Variants in PTPRO observed in about 807,000 individuals in gnomAD.
PTPRO encodes protein tyrosine phosphatase receptor type O, also known as receptor-type tyrosine-protein phosphatase O.
In PTPRO, 62 loss-of-function variants were observed where a neutral mutation model predicts 145.2. The observed-to-expected ratio is 0.43, with a 90% CI of 0.35 to 0.53. The LOEUF is 0.53. Among genes scored for constraint, PTPRO ranks in the 20% least tolerant of loss-of-function variants. The pLI is 0.01. For missense variants in PTPRO, 1,345 were observed against 1,482.7 expected (o/e 0.91, Z 1.53); for synonymous variants, 565 against 514.7 (o/e 1.10, Z -1.32).
At position 15,444,841 on chromosome 12, in the gene PTPRO, G is replaced by GT. The variant is rs111622430; in HGVS notation, c.76-39125dup. Among the ~76,000 whole-genome samples the GT allele has an allele frequency of 4.7e-3, 715 of 151,962 alleles. 3 individuals carry two copies. Among genetic ancestry groups the GT allele is most frequent in the African/African-American group, 0.016 (660 of 41,450 alleles). On this transcript the variant is annotated intron_variant, in intron 1 of 26. Transcript: ENST00000281171. ...GTTGTTTATAAGCTATCTAGTCCAT[G>GT]TTTTTTTTATAGCTGGCTGAACAAA... is the stretch of plus-strand genomic sequence containing the variant.
intron 5 of PTPRO, among the ~76,000 whole-genome samples, chr12:15,502,823 T>C (rs188381897): frequency 2.0e-5 from 3 of 152,302 alleles, no homozygotes; most frequent in Admixed American, 2.0e-4. Flanking sequence ...AGTAATATAC[T>C]TCATTTTCCA....
At chr12:15,541,203 AAGCAAT>A (rs1256298414) in intron 12 of PTPRO, among the ~76,000 whole-genome samples, 2 of 152,180 alleles carry the variant, frequency 1.3e-5, no homozygotes, top group African/African-American at 2.4e-5. Flanking sequence ...GAGAGATAAA[AAGCAAT>A]AGCCAGGAGA....
chr12:15,468,919 A>G (rs548683702), intron 1 of PTPRO, among the ~76,000 whole-genome samples: 12 of 152,310 alleles, frequency 7.9e-5, no homozygotes, highest in Non-Finnish European at 1.6e-4. Flanking sequence ...GGCTTATTAA[A>G]CTATTTGCTT....
At chr12:15,569,529 G>A in intron 19 of PTPRO, 31 bp downstream of exon 19, 1 of 1,556,898 alleles carries the variant, frequency 6.4e-7, no homozygotes, top group East Asian at 2.2e-5. Flanking sequence ...TCTACCTTCT[G>A]TAATGGAAAG....
chr12:15,581,258 A>G (rs1944308018), intron 22 of PTPRO, among the ~76,000 whole-genome samples: 1 of 150,384 alleles, frequency 6.6e-6, no homozygotes, highest in Admixed American at 6.6e-5. Context: ...CTTACAGAGA[A>G]TTACATTCCT....
intron 17 of PTPRO, among the ~76,000 whole-genome samples, chr12:15,564,991 T>G (rs1398689190): frequency 6.6e-6 from 1 of 152,154 alleles, no homozygotes; most frequent in African/African-American, 2.4e-5. Context: ...TTTGAGCTTA[T>G]AGACTAGTAA....
Position 15,484,183 on chromosome 12 carries a change from C to G in PTPRO, c.285C>G (p.Ile95Met), listed in dbSNP as rs781158413. 1 of 1,613,554 alleles carries G rather than the reference C, an allele frequency of 6.2e-7. No individual in the cohort carries two copies. Among genetic ancestry groups the G allele is most frequent in the Admixed American group, 1.7e-5 (1 of 59,912 alleles). ...KASYHGLYYIITLVVVNGNVV... is the reference protein window; with the variant it reads ...KASYHGLYYIMTLVVVNGNVV... ...GTTATCATGGCCTTTATTATATAAT[C>G]ACTCTGGTAGTGGTAAATGGAAATG... is the stretch of plus-strand genomic sequence containing the variant. Residue 95 changes from isoleucine (I) to methionine (M), a missense_variant, in exon 2 of 27, where the codon ATC (isoleucine) becomes ATG (methionine). Coordinates refer to ENST00000281171, the MANE Select transcript of PTPRO (RefSeq NM_030667.3).
intron 1 of PTPRO, among the ~76,000 whole-genome samples, chr12:15,472,362 T>C (rs1012415618): frequency 5.3e-5 from 8 of 152,324 alleles, no homozygotes; most frequent in South Asian, 2.1e-4. Flanking sequence ...TGGAATCATA[T>C]CACTTTTCTG....
chr12:15,424,097 G>A (rs918727996), intron 1 of PTPRO, among the ~76,000 whole-genome samples: 14 of 152,204 alleles, frequency 9.2e-5, no homozygotes, highest in African/African-American at 3.4e-4. Flanking sequence ...GGCATTTTAA[G>A]TTATAACTGA....
At chr12:15,421,723 A>G (rs1015176128) in intron 1 of PTPRO, among the ~76,000 whole-genome samples, 1 of 152,214 alleles carries the variant, frequency 6.6e-6, no homozygotes, top group African/African-American at 2.4e-5. Context: ...GATATCATTT[A>G]CCATTATTAA....
intron 1 of PTPRO, among the ~76,000 whole-genome samples, chr12:15,407,006 G>A (rs1259538371): frequency 6.6e-6 from 1 of 152,158 alleles, no homozygotes; most frequent in Admixed American, 6.5e-5. Flanking sequence ...AGTAGTCCAT[G>A]GTTTGGTACA....
At chr12:15,595,158 C>G in intron 26 of PTPRO, 101 bp downstream of exon 26, 1 of 779,784 alleles carries the variant, frequency 1.3e-6, no homozygotes, top group Non-Finnish European at 2.2e-6. Flanking sequence ...TGTATTGACT[C>G]TGACTTCACA....
intron 9 of PTPRO, among the ~76,000 whole-genome samples, chr12:15,519,317 C>T (rs1434436014): frequency 6.6e-6 from 1 of 152,192 alleles, no homozygotes; most frequent in African/African-American, 2.4e-5. Context: ...TCCCACAACA[C>T]GTGGGAATTC....
At chr12:15,397,846 C>A (rs1335784751) in intron 1 of PTPRO, among the ~76,000 whole-genome samples, 1 of 152,062 alleles carries the variant, frequency 6.6e-6, no homozygotes, top group Non-Finnish European at 1.5e-5. Context: ...AAAACCATAC[C>A]TGCTTAAGGA....
chr12:15,431,072 G>A (rs1350408733), intron 1 of PTPRO, among the ~76,000 whole-genome samples: 1 of 152,234 alleles, frequency 6.6e-6, no homozygotes, highest in Non-Finnish European at 1.5e-5. Context: ...TCAGGGGACA[G>A]AATGGTTACC....
chr12:15,526,343 A>G (rs919099540), intron 12 of PTPRO, 81 bp downstream of exon 12: 5 of 1,564,936 alleles, frequency 3.2e-6, no homozygotes, highest in Admixed American at 1.7e-5. Context: ...CCTCAATTCA[A>G]TGAAATAATA....
At position 15,322,915 on chromosome 12, in the gene PTPRO, G is replaced by A; in HGVS notation, c.75+114G>A. 9.7e-7 allele frequency: 1 copy of A among 1,033,266 alleles called. No homozygotes were observed. Among genetic ancestry groups the A allele is most frequent in the Non-Finnish European group, 1.4e-6 (1 of 708,508 alleles). 64.0% of individuals were successfully genotyped at this position (1,033,266 alleles called of 1,614,324 possible). A position where few individuals can be genotyped will look rare whatever the true frequency, so the allele number is the denominator to read the frequency against. On this transcript the variant is annotated intron_variant, in intron 1 of 26. Coordinates refer to ENST00000281171, the MANE Select transcript of PTPRO (RefSeq NM_030667.3). The surrounding 1 kb of genome is among the most constrained non-coding windows in gnomAD (Gnocchi z 6.3). ...CCCAGGGCACGATGGCCCAGCCGCGGGAAGCGCCTGCCGTGCAGCCTGGGC... is the reference window on the plus strand; with the variant it reads ...CCCAGGGCACGATGGCCCAGCCGCGAGAAGCGCCTGCCGTGCAGCCTGGGC...
intron 9 of PTPRO, among the ~76,000 whole-genome samples, chr12:15,518,032 C>CA (rs2136508976): frequency 0.016 from 1 of 62 alleles, no homozygotes; most frequent in East Asian, 0.5. Context: ...TTTTACATTG[C>CA]CTAGCAGAGG....
At chr12:15,533,707 C>A (rs553863473) in intron 12 of PTPRO, among the ~76,000 whole-genome samples, 4 of 152,048 alleles carry the variant, frequency 2.6e-5, no homozygotes, top group Non-Finnish European at 5.9e-5. Flanking sequence ...TGTTTCTTCC[C>A]AGCATTCATT....
Sources: gnomAD v4.1 joint callset for allele counts (sites outside exome capture counted in the v4.1 genomes callset) on GRCh38, gnomAD v4.1.1 for gene constraint, Gnocchi (gnomAD v3.1) non-coding constraint, MANE v1.5 for transcripts, NCBI Gene and HGNC (gene_info 2026-07-23, HGNC 2026-07-21) for gene names.